GLIS3: variants seen among roughly 807,000 people sequenced by gnomAD.
The protein encoded by GLIS3 is GLIS family zinc finger 3.
GLIS3 carries 53 observed loss-of-function variants against 78.6 expected under a neutral mutation model. The ratio of observed to expected loss-of-function variants is 0.67; its 90% CI spans 0.54 to 0.85. The LOEUF (loss-of-function observed/expected upper bound fraction) is 0.85, where lower values mean the gene tolerates loss of function less well. Among genes scored for constraint, GLIS3 ranks in the 40% least tolerant of loss-of-function variants. The probability of loss-of-function intolerance (pLI) is 0.00; values close to 1 mark genes in which losing one functional copy is unlikely to be tolerated. For missense variants in GLIS3, 1,703 were observed against 1,231.1 expected, an observed-to-expected ratio of 1.38 and a Z score of -5.74; for synonymous variants, 684 against 509.9, an observed-to-expected ratio of 1.34 and a Z score of -4.60.
At chr9:4,412,519 AT>A in the GLIS3 span, among the ~76,000 whole-genome samples, 1 of 152,188 alleles carries the variant, frequency 6.6e-6, no homozygotes, top group Non-Finnish European at 1.5e-5. Flanking sequence ...ATCTCTGTGT[AT>A]TCCCCTGCTA....
intron 2 of GLIS3, among the ~76,000 whole-genome samples, chr9:4,211,604 C>CA (rs1474955691): frequency 6.6e-6 from 1 of 152,218 alleles, no homozygotes; most frequent in Non-Finnish European, 1.5e-5. Flanking sequence ...AGCAACTTTG[C>CA]AAAACAGTTT....
At chr9:4,076,723 T>C (rs569725136) in intron 4 of GLIS3, among the ~76,000 whole-genome samples, 55 of 152,320 alleles carry the variant, frequency 3.6e-4, no homozygotes, top group African/African-American at 1.2e-3. Context: ...TAGCCTGTCT[T>C]ATTTTTCCTA....
At chr9:4,485,720 T>TTC in the GLIS3 span, among the ~76,000 whole-genome samples, 1 of 42,652 alleles carries the variant, frequency 2.3e-5, no homozygotes, top group Non-Finnish European at 4.8e-5. Context: ...CTGCCTCTGC[T>TTC]TTTTTTTTTT....
intron 8 of GLIS3, among the ~76,000 whole-genome samples, chr9:3,859,013 T>C (rs898425913): frequency 1.3e-5 from 2 of 152,108 alleles, no homozygotes; most frequent in Admixed American, 1.3e-4. Flanking sequence ...AGAGTAGAAA[T>C]AGTAAACTAA....
At chr9:4,042,825 T>C (rs1034545190) in intron 4 of GLIS3, among the ~76,000 whole-genome samples, 4 of 152,172 alleles carry the variant, frequency 2.6e-5, no homozygotes, top group African/African-American at 9.7e-5. Flanking sequence ...TAATACTGTG[T>C]TTCTCAAAAA....
intron 7 of GLIS3, among the ~76,000 whole-genome samples, chr9:3,889,298 C>T (rs1366127586): frequency 6.6e-6 from 1 of 152,154 alleles, no homozygotes; most frequent in Non-Finnish European, 1.5e-5. Flanking sequence ...TTGCCTTTAA[C>T]CAGTAATAGT....
At chr9:4,443,273 T>G in the GLIS3 span, among the ~76,000 whole-genome samples, 2 of 152,226 alleles carry the variant, frequency 1.3e-5, no homozygotes, top group African/African-American at 4.8e-5. Flanking sequence ...TTAAATTGTT[T>G]GTTCATTTCT....
At chr9:4,430,028 T>TAAACAAGC in the GLIS3 span, among the ~76,000 whole-genome samples, 2 of 150,668 alleles carry the variant, frequency 1.3e-5, no homozygotes, top group African/African-American at 4.9e-5. Context: ...CTCTTTCTAT[T>TAAACAAGC]AAACAAACAA....
intron 4 of GLIS3, among the ~76,000 whole-genome samples, chr9:3,939,689 A>G (rs1168398305): frequency 6.6e-6 from 1 of 152,244 alleles, no homozygotes; most frequent in Non-Finnish European, 1.5e-5. Flanking sequence ...AGAAGACAAT[A>G]GAACAGCATT....
At chr9:4,369,154 G>A in the GLIS3 span, among the ~76,000 whole-genome samples, 1 of 152,004 alleles carries the variant, frequency 6.6e-6, no homozygotes, top group Non-Finnish European at 1.5e-5. Context: ...ATTAAGACTA[G>A]TATCTCCGCC....
the GLIS3 span, among the ~76,000 whole-genome samples, chr9:4,379,478 CCTT>C: frequency 1.3e-5 from 2 of 152,144 alleles, no homozygotes; most frequent in African/African-American, 4.8e-5. Flanking sequence ...AACATTAGTC[CCTT>C]CTTTTAGTGC....
upstream of GLIS3, among the ~76,000 whole-genome samples, chr9:4,301,637 G>A (rs1406776826): frequency 2.6e-5 from 4 of 152,192 alleles, no homozygotes; most frequent in East Asian, 7.7e-4. Flanking sequence ...AAGCCTGGGT[G>A]GAGACTGCAA....
chr9:3,924,970 C>T (rs1825125210), intron 6 of GLIS3, among the ~76,000 whole-genome samples: 1 of 152,164 alleles, frequency 6.6e-6, no homozygotes, highest in South Asian at 2.1e-4. Context: ...GTGCTAGGCA[C>T]TGTACAGCCT....
chr9:4,462,553 T>A, the GLIS3 span, among the ~76,000 whole-genome samples: 1 of 149,850 alleles, frequency 6.7e-6, no homozygotes. Flanking sequence ...AGCCAGGAGT[T>A]CAAGATCAGC....
intron 2 of GLIS3, among the ~76,000 whole-genome samples, chr9:4,219,157 C>G (rs1185821706): frequency 1.3e-5 from 2 of 152,214 alleles, no homozygotes; most frequent in Admixed American, 6.5e-5. Context: ...AGCTTCTGAA[C>G]CTGACATGCC....
chr9:4,298,963 A>C (rs1816866866), intron 1 of GLIS3, among the ~76,000 whole-genome samples: 1 of 152,134 alleles, frequency 6.6e-6, no homozygotes, highest in African/African-American at 2.4e-5. Context: ...GAGAGACCTC[A>C]CGTCACCCCA....
chr9:3,860,046 C>T (rs543809119), intron 8 of GLIS3, among the ~76,000 whole-genome samples: 38 of 151,914 alleles, frequency 2.5e-4, no homozygotes, highest in African/African-American at 8.4e-4. Context: ...GAGGCCGAGG[C>T]GGGTGGATCA....
the GLIS3 span, among the ~76,000 whole-genome samples, chr9:4,448,147 T>C: frequency 6.6e-6 from 1 of 152,214 alleles, no homozygotes; most frequent in Non-Finnish European, 1.5e-5. Flanking sequence ...CCTCATTTCC[T>C]GTCCCAACTA....
At chr9:3,869,156 CAAAT>C (rs147645891) in intron 8 of GLIS3, among the ~76,000 whole-genome samples, 96 of 152,218 alleles carry the variant, frequency 6.3e-4, no homozygotes, top group African/African-American at 2.1e-3. Context: ...CAACAGTAAA[CAAAT>C]AAACCTCTAG....
Sources: allele counts gnomAD v4.1 joint callset (sites outside exome capture counted in the v4.1 genomes callset), GRCh38; gene constraint gnomAD v4.1.1; transcripts MANE v1.5; gene names NCBI Gene and HGNC (gene_info 2026-07-23, HGNC 2026-07-21).